ABHD17C: variants seen among roughly 807,000 people sequenced by gnomAD.
ABHD17C encodes the protein abhydrolase domain containing 17C, depalmitoylase.
ABHD17C carries 11 observed loss-of-function variants against 27.9 expected under a neutral mutation model. The ratio of observed to expected loss-of-function variants is 0.39; its 90% CI spans 0.25 to 0.65. The LOEUF is 0.65. ABHD17C is among the 30% of genes least tolerant of loss of function. The pLI is 0.45. For synonymous variants in ABHD17C, 233 were observed against 209.1 expected, an observed-to-expected ratio of 1.11 and a Z score of -0.98; for missense variants, 280 against 470.2, an observed-to-expected ratio of 0.60 and a Z score of 3.74.
chr15:80,716,746 C>T (rs1457476405), intron 1 of ABHD17C, among the ~76,000 whole-genome samples: 1 of 152,180 alleles, frequency 6.6e-6, no homozygotes. Context: ...TCAATAAATC[C>T]TGGGTGAAGT....
At chr15:80,696,724 G>A (rs1176123132) in intron 1 of ABHD17C, among the ~76,000 whole-genome samples, 13 of 152,318 alleles carry the variant, frequency 8.5e-5, no homozygotes, top group Admixed American at 8.5e-4. Context: ...ATTCACAGAA[G>A]GACTGAAAAG....
chr15:80,730,405 C>G (rs1206050236), intron 1 of ABHD17C, among the ~76,000 whole-genome samples: 1 of 152,148 alleles, frequency 6.6e-6, no homozygotes, highest in East Asian at 1.9e-4. Context: ...CACCAGGCTC[C>G]TTAGTGTGTA....
At chr15:80,747,514 C>T (rs568381239) in intron 1 of ABHD17C, among the ~76,000 whole-genome samples, 1 of 152,264 alleles carries the variant, frequency 6.6e-6, no homozygotes, top group Non-Finnish European at 1.5e-5. Flanking sequence ...ATTTAGTCCT[C>T]GTGGAGGGTG....
chr15:80,695,870 G>C lies in ABHD17C; in HGVS notation c.441G>C (p.Gln147His). The change falls in exon 1 of 3, where the codon CAG (glutamine) becomes CAC (histidine). Residue 147 changes from glutamine to histidine, a missense_variant. Around this residue, in one of 2 missense-constraint regions of ABHD17C, gnomAD observed 206 missense variants for 394.7 expected, o/e 0.52. Coordinates refer to ENST00000258884, the MANE Select transcript of ABHD17C (RefSeq NM_021214.2). The surrounding 1 kb of genome is among the most constrained non-coding windows in gnomAD (Gnocchi z 4.3). ...FSHGNAVDLG[Q>H]MCSFYIGLGS... Reference sequence around the variant, plus strand: ...ACGGCAACGCCGTGGACCTGGGCCAGATGTGCAGCTTCTACATTGGCCTCG... The same window carrying C: ...ACGGCAACGCCGTGGACCTGGGCCACATGTGCAGCTTCTACATTGGCCTCG... 6.3e-7 allele frequency: 1 copy of C among 1,596,920 alleles called. No individual in the cohort carries two copies. The highest frequency in any genetic ancestry group is 8.5e-7 in the Non-Finnish European group (1 of 1,179,106).
At chr15:80,715,036 C>A (rs992076874) in intron 1 of ABHD17C, among the ~76,000 whole-genome samples, 6 of 152,208 alleles carry the variant, frequency 3.9e-5, no homozygotes, top group Non-Finnish European at 8.8e-5. Context: ...CCACCTCGGC[C>A]TCCCAAAGTG....
At chr15:80,749,765 T>C (rs1895341538) in intron 2 of ABHD17C, 73 bp downstream of exon 2, 15 of 1,499,500 alleles carry the variant, frequency 1.0e-5, no homozygotes, top group Admixed American at 1.8e-5. Context: ...CCCATAAATA[T>C]CTGTGTAAAT....
At chr15:80,741,335 G>A (rs1270713471) in intron 1 of ABHD17C, among the ~76,000 whole-genome samples, 1 of 152,038 alleles carries the variant, frequency 6.6e-6, no homozygotes, top group Non-Finnish European at 1.5e-5. Context: ...CCCTGTACAT[G>A]CAGCAAAACT....
At chr15:80,727,956 G>A (rs903701748) in intron 1 of ABHD17C, among the ~76,000 whole-genome samples, 1 of 152,080 alleles carries the variant, frequency 6.6e-6, no homozygotes, top group Non-Finnish European at 1.5e-5. Flanking sequence ...GCTCCGTGGA[G>A]ACTTATGGCT....
intron 1 of ABHD17C, among the ~76,000 whole-genome samples, chr15:80,745,195 C>A (rs926736775): frequency 6.6e-6 from 1 of 152,208 alleles, no homozygotes; most frequent in Non-Finnish European, 1.5e-5. Flanking sequence ...ATCCTTCTCT[C>A]CAGTGATGAC....
intron 1 of ABHD17C, among the ~76,000 whole-genome samples, chr15:80,737,965 T>C (rs1393735106): frequency 6.7e-6 from 1 of 149,062 alleles, no homozygotes; most frequent in African/African-American, 2.5e-5. Flanking sequence ...AAAAAGTTTG[T>C]TTTTTTTTTC....
chr15:80,721,557 G>T (rs924082967), intron 1 of ABHD17C, among the ~76,000 whole-genome samples: 2 of 152,180 alleles, frequency 1.3e-5, no homozygotes, highest in African/African-American at 4.8e-5. Flanking sequence ...TTTTAGAATT[G>T]TGCCAGGCAA....
chr15:80,715,951 T>C (rs961588565), intron 1 of ABHD17C, among the ~76,000 whole-genome samples: 3 of 152,248 alleles, frequency 2.0e-5, no homozygotes, highest in African/African-American at 4.8e-5. Flanking sequence ...TGAATTTTAA[T>C]TCTTACAGTA....
intron 1 of ABHD17C, among the ~76,000 whole-genome samples, chr15:80,699,314 C>T (rs1301831507): frequency 1.3e-5 from 2 of 152,048 alleles, no homozygotes; most frequent in Admixed American, 6.5e-5. Flanking sequence ...AATGGGCGCC[C>T]CATAAATAAG....
chr15:80,733,649 C>T (rs1464055331), intron 1 of ABHD17C, among the ~76,000 whole-genome samples: 1 of 152,174 alleles, frequency 6.6e-6, no homozygotes, highest in Non-Finnish European at 1.5e-5. Context: ...AGTTTTAGTG[C>T]AGGAGCTAAA....
At chr15:80,732,744 A>G (rs917019601) in intron 1 of ABHD17C, among the ~76,000 whole-genome samples, 36 of 152,190 alleles carry the variant, frequency 2.4e-4, no homozygotes, top group African/African-American at 8.4e-4. Flanking sequence ...TGCCCAGCGG[A>G]AAGTGTCTGT....
chr15:80,751,680 T>C (rs536376866), intron 2 of ABHD17C, among the ~76,000 whole-genome samples: 10 of 152,318 alleles, frequency 6.6e-5, no homozygotes, highest in African/African-American at 2.4e-4. Flanking sequence ...CCCAGCTTTA[T>C]CTCTTTGAGG....
intron 1 of ABHD17C, among the ~76,000 whole-genome samples, chr15:80,726,869 A>T (rs770079334): frequency 1.2e-4 from 19 of 152,176 alleles, no homozygotes; most frequent in Non-Finnish European, 2.2e-4. Flanking sequence ...GGAATGTGCC[A>T]TAGCTTTCAT....
intron 1 of ABHD17C, among the ~76,000 whole-genome samples, chr15:80,702,464 A>G (rs1270798577): frequency 6.6e-6 from 1 of 152,194 alleles, no homozygotes; most frequent in Non-Finnish European, 1.5e-5. Context: ...AATTCTAATA[A>G]TGCCATGTCA....
chr15:80,705,368 G>GTGTGTGTGTGTGTGTGT (rs1555421876), intron 1 of ABHD17C, among the ~76,000 whole-genome samples: 63 of 4,332 alleles, frequency 0.015, 1 homozygote, highest in South Asian at 0.14. Flanking sequence ...TGTGTGTGTG[G>GTGTGTGTGTGTGTGTGT]TTAGGAGCAT....
Sources: allele counts gnomAD v4.1 joint callset (sites outside exome capture counted in the v4.1 genomes callset), GRCh38; gene constraint gnomAD v4.1.1; regional missense constraint gnomAD v4.1.1; non-coding constraint Gnocchi (gnomAD v3.1); transcripts MANE v1.5; gene names NCBI Gene and HGNC (gene_info 2026-07-23, HGNC 2026-07-21).